Variants in GPRIN2 observed in about 807,000 individuals in gnomAD.
The protein encoded by GPRIN2 is G protein-regulated inducer of neurite outgrowth 2.
GPRIN2 carries 1 observed loss-of-function variant against 0.3 expected under a neutral mutation model. The observed-to-expected ratio is 3.90, with a 90% confidence interval of 1.39 to 18.51. The LOEUF is 18.51. Ranked by LOEUF, GPRIN2 falls within the 30% of genes most tolerant of loss-of-function variation. GPRIN2 has a pLI of 0.11. For synonymous variants in GPRIN2, 361 were observed against 258.6 expected, an observed-to-expected ratio of 1.40 and a Z score of -3.80; for missense variants, 880 against 604.2, an observed-to-expected ratio of 1.46 and a Z score of -4.79.
Position 46,547,885 on chromosome 10 carries a change from G to C in GPRIN2, c.*1475C>G, listed in dbSNP as rs1387359106. Among the ~76,000 whole-genome samples, 1 of 152,306 alleles carries C rather than the reference G, an allele frequency of 6.6e-6. No individual in the cohort carries two copies. The highest frequency in any genetic ancestry group is 2.4e-5 in the African/African-American group (1 of 41,484). ...GGCTTCAGGAGGCATCTGACCTGAC[G>C]CACGCCTTTGTCACTTTGTCCTTGT... On this transcript the variant is annotated 3_prime_UTR_variant, in exon 3 of 3. Transcript: ENST00000374314.
rs1842218919 is a variant in GPRIN2 at position 46,547,009 on chromosome 10, C to T, written c.*2351G>A. Among the ~76,000 whole-genome samples the T allele has an allele frequency of 6.6e-6, 1 of 152,310 alleles. No individual in the cohort carries two copies. The highest frequency in any genetic ancestry group is 1.5e-5 in the Non-Finnish European group (1 of 68,058). ...GCCAGCGTGAATGCATAAGAATCTG[C>T]ACGTGACACAGAAGAAAGTCTCTTC... On this transcript the variant is annotated 3_prime_UTR_variant, in exon 3 of 3. Transcript: ENST00000374314.
chr10:46,542,028 A>G lies in GPRIN2; in HGVS notation c.*7332T>C, dbSNP rs2131622183. On this transcript the variant is annotated 3_prime_UTR_variant, in exon 3 of 3. Coordinates refer to ENST00000374314, the MANE Select transcript of GPRIN2 (RefSeq NM_001385282.1). The stretch of plus-strand genomic sequence containing the variant: ...CCAACTCTGAAGAGAAAAAAAATCA[A>G]ACCAAAGAGTTTTCCTCAAGAGTTG... 2.0e-5 allele frequency among the ~76,000 whole-genome samples: 3 copies of G among 152,430 alleles called. No individual in the cohort carries two copies. The highest frequency in any genetic ancestry group is 7.2e-5 in the African/African-American group (3 of 41,610).
At chr10:46,556,690 G>A (rs980839838), upstream of GPRIN2, among the ~76,000 whole-genome samples, 11 of 152,292 alleles carry the variant, frequency 7.2e-5, no homozygotes, top group Admixed American at 5.2e-4. Flanking sequence ...CTGGCACCGG[G>A]GCGGCGGGAG....
In GPRIN2 at chr10:46,542,379, T is replaced by A. The variant is rs1841828034; in HGVS notation, c.*6981A>T. Among the ~76,000 whole-genome samples, 1 of 152,312 alleles carries A rather than the reference T, an allele frequency of 6.6e-6. No homozygotes were observed. The highest frequency in any genetic ancestry group is 1.5e-5 in the Non-Finnish European group (1 of 68,058). On this transcript the variant is annotated 3_prime_UTR_variant, in exon 3 of 3. Transcript: ENST00000374314. Reference sequence around the variant, plus strand: ...TAATCCCCATGTGACAAGGGAGAGATCAGGTGGAGGTGATGGAATCGTGGG... The same window carrying A: ...TAATCCCCATGTGACAAGGGAGAGAACAGGTGGAGGTGATGGAATCGTGGG...
In GPRIN2 at chr10:46,541,794, A is replaced by G. The variant is rs1293340846; in HGVS notation, c.*7566T>C. On this transcript the variant is annotated 3_prime_UTR_variant, in exon 3 of 3. Coordinates refer to ENST00000374314, the MANE Select transcript of GPRIN2 (RefSeq NM_001385282.1). ...TTTAAAGCAGTGTTTTAAAATAAAA[A>G]CTAATGAAAAAATGATAAAATATCA... is the stretch of plus-strand genomic sequence containing the variant. Among the ~76,000 whole-genome samples the G allele has an allele frequency of 2.6e-5, 4 of 152,308 alleles. No homozygotes were observed. Among genetic ancestry groups the G allele is most frequent in the South Asian group, 2.1e-4 (1 of 4,838 alleles).
In GPRIN2 at chr10:46,545,721, G is replaced by C. The variant is rs3127694; in HGVS notation, c.*3639C>G. Among the ~76,000 whole-genome samples, 2 of 152,268 alleles carry C rather than the reference G, an allele frequency of 1.3e-5. No homozygotes were observed. Among genetic ancestry groups the C allele is most frequent in the Admixed American group, 6.5e-5 (1 of 15,292 alleles). ...GCTGGCAGGGTAAGAGGTGGCCCCT[G>C]AATGTGGCTATGAGAGGGGTGCCCA... is the stretch of plus-strand genomic sequence containing the variant. On this transcript the variant is annotated 3_prime_UTR_variant, in exon 3 of 3. Coordinates refer to ENST00000374314, the MANE Select transcript of GPRIN2 (RefSeq NM_001385282.1).
Position 46,545,750 on chromosome 10 carries a change from C to G in GPRIN2, c.*3610G>C. Among the ~76,000 whole-genome samples the G allele has an allele frequency of 6.6e-6, 1 of 152,304 alleles. No homozygotes were observed. The highest frequency in any genetic ancestry group is 1.5e-5 in the Non-Finnish European group (1 of 68,056). On this transcript the variant is annotated 3_prime_UTR_variant, in exon 3 of 3. Transcript: ENST00000374314. ...GTGGCTATGAGAGGGGTGCCCAACA[C>G]TACCAGCCTGTGTGCTGAGCACTAA...
Position 46,545,578 on chromosome 10 carries a change from C to T in GPRIN2, c.*3782G>A, listed in dbSNP as rs1242858471. On this transcript the variant is annotated 3_prime_UTR_variant, in exon 3 of 3. Transcript: ENST00000374314. Reference sequence around the variant, plus strand: ...ACTCTGGGAACTACATTTTCAGAAGCCCCAGCCAGAGGGCCAAGTCCCAGG... The same window carrying T: ...ACTCTGGGAACTACATTTTCAGAAGTCCCAGCCAGAGGGCCAAGTCCCAGG... Among the ~76,000 whole-genome samples the T allele has an allele frequency of 1.3e-5, 2 of 152,312 alleles. No homozygotes were observed. Among genetic ancestry groups the T allele is most frequent in the Non-Finnish European group, 2.9e-5 (2 of 68,058 alleles).
intron 1 of GPRIN2, among the ~76,000 whole-genome samples, chr10:46,555,982 C>T (rs1843166127): frequency 6.6e-6 from 1 of 152,312 alleles, no homozygotes; most frequent in Admixed American, 6.5e-5. Context: ...CCCCTCCCGC[C>T]CCTCCTGCAC....
chr10:46,547,432 C>A lies in GPRIN2; in HGVS notation c.*1928G>T, dbSNP rs1842266339. Among the ~76,000 whole-genome samples, 2 of 152,308 alleles carry A rather than the reference C, an allele frequency of 1.3e-5. No homozygotes were observed. The highest frequency in any genetic ancestry group is 2.9e-5 in the Non-Finnish European group (2 of 68,056). On this transcript the variant is annotated 3_prime_UTR_variant, in exon 3 of 3. Coordinates refer to ENST00000374314, the MANE Select transcript of GPRIN2 (RefSeq NM_001385282.1). The stretch of plus-strand genomic sequence containing the variant: ...TCTTCACAATGGGGACCCCTGGTCA[C>A]CTCCCAACCCAACAAACGCTCCAAA...
rs1047448629 is a variant in GPRIN2, at chr10:46,545,341, C to T, written c.*4019G>A. ...GAAGTGCCTGGAGGCTACATCTTCA[C>T]CCCTGGGTAGTCCTTACTCTGAGGT... On this transcript the variant is annotated 3_prime_UTR_variant, in exon 3 of 3. Transcript: ENST00000374314. 6.6e-6 allele frequency among the ~76,000 whole-genome samples: 1 copy of T among 152,306 alleles called. No individual in the cohort carries two copies. Among genetic ancestry groups the T allele is most frequent in the Non-Finnish European group, 1.5e-5 (1 of 68,054 alleles).
Position 46,542,846 on chromosome 10 carries a change from C to G in GPRIN2, c.*6514G>C. Among the ~76,000 whole-genome samples the G allele has an allele frequency of 6.6e-6, 1 of 152,308 alleles. No homozygotes were observed. On this transcript the variant is annotated 3_prime_UTR_variant, in exon 3 of 3. Transcript: ENST00000374314. ...CACCCCAACCCAATTACAAGCCATG[C>G]AAGAAGATTCTGAAAACATGGATGA... is the stretch of plus-strand genomic sequence containing the variant.
In GPRIN2 at chr10:46,546,902, G is replaced by A. The variant is rs1253060977; in HGVS notation, c.*2458C>T. On this transcript the variant is annotated 3_prime_UTR_variant, in exon 3 of 3. Transcript: ENST00000374314. The stretch of plus-strand genomic sequence containing the variant: ...ATACTCATCTCAGTGACGATGAGGT[G>A]AGTGGGAGCTTGGCTGAGCCCAGCC... 1.3e-5 allele frequency among the ~76,000 whole-genome samples: 2 copies of A among 152,308 alleles called. No individual in the cohort carries two copies. Among genetic ancestry groups the A allele is most frequent in the African/African-American group, 2.4e-5 (1 of 41,488 alleles).
rs1842454228 is a variant in GPRIN2, at chr10:46,549,646, G to A, written c.1091C>T (p.Pro364Leu). ...CAGGCTGGACCCCAGAGTTACCTCT[G>A]GGAACACATGCAGGGCTGCAGGCGC... is the stretch of plus-strand genomic sequence containing the variant. ...LEAPAALHVF[P>L]EVTLGSSLEE... Residue 364 changes from proline to leucine, a missense_variant, in exon 3 of 3, where the codon CCA (proline) becomes CTA (leucine). Physicochemically the swap from Pro to Leu is moderately conservative, Grantham distance 98. Coordinates refer to ENST00000374314, the MANE Select transcript of GPRIN2 (RefSeq NM_001385282.1). The A allele has an allele frequency of 6.2e-7, 1 of 1,614,240 alleles. No homozygotes were observed.
chr10:46,545,950 T>G lies in GPRIN2; in HGVS notation c.*3410A>C, dbSNP rs1832921938. Among the ~76,000 whole-genome samples, 1 of 152,428 alleles carries G rather than the reference T, an allele frequency of 6.6e-6. No homozygotes were observed. Among genetic ancestry groups the G allele is most frequent in the Non-Finnish European group, 1.5e-5 (1 of 68,048 alleles). On this transcript the variant is annotated 3_prime_UTR_variant, in exon 3 of 3. Transcript: ENST00000374314. Reference sequence around the variant, plus strand: ...ATATATCCAGATTCAAACTCCAGCTTTAGCCCACTAAGCTACGGTGGCCAA... The same window carrying G: ...ATATATCCAGATTCAAACTCCAGCTGTAGCCCACTAAGCTACGGTGGCCAA...
intron 2 of GPRIN2, among the ~76,000 whole-genome samples, chr10:46,553,837 T>C (rs1286487660): frequency 6.6e-6 from 1 of 152,308 alleles, no homozygotes; most frequent in Non-Finnish European, 1.5e-5. Context: ...AACTACAACC[T>C]GGCCTTCCCA....
Position 46,549,974 on chromosome 10 carries a change from T to C in GPRIN2, c.763A>G (p.Ile255Val). ...GCCACTAGTTTGGGAAAGGCCAGGA[T>C]CCCTGTGGCAGGTAGGGCATGGCAG... ...GCCHALPATGILAFPKLVASV... is the reference protein window; with the variant it reads ...GCCHALPATGVLAFPKLVASV... Residue 255 changes from isoleucine to valine, a missense_variant, in exon 3 of 3, where the codon ATC becomes GTC. Physicochemically the swap from Ile to Val is conservative, Grantham distance 29. Transcript: ENST00000374314. The C allele has an allele frequency of 3.1e-6, 5 of 1,614,230 alleles. No homozygotes were observed. Among genetic ancestry groups the C allele is most frequent in the South Asian group, 1.1e-5 (1 of 91,092 alleles).
chr10:46,548,279 C>T lies in GPRIN2; in HGVS notation c.*1081G>A, dbSNP rs925043124. 6.6e-6 allele frequency among the ~76,000 whole-genome samples: 1 copy of T among 152,308 alleles called. No individual in the cohort carries two copies. Among genetic ancestry groups the T allele is most frequent in the Non-Finnish European group, 1.5e-5 (1 of 68,056 alleles). On this transcript the variant is annotated 3_prime_UTR_variant, in exon 3 of 3. Coordinates refer to ENST00000374314, the MANE Select transcript of GPRIN2 (RefSeq NM_001385282.1). ...TTCTGTCTCTCCAAGGCCCCTGGCC[C>T]CCACTGCCTAGCCTAGGTCAGGTCA... is the stretch of plus-strand genomic sequence containing the variant.
chr10:46,554,913 A>G (rs1219455631), intron 1 of GPRIN2, among the ~76,000 whole-genome samples: 1 of 152,308 alleles, frequency 6.6e-6, no homozygotes, highest in East Asian at 1.9e-4. Flanking sequence ...CTCAGACAAC[A>G]CTGTGGCATC....
Sources: gnomAD v4.1 joint callset for allele counts (sites outside exome capture counted in the v4.1 genomes callset) on GRCh38, gnomAD v4.1.1 for gene constraint, MANE v1.5 for transcripts, NCBI Gene and HGNC (gene_info 2026-07-23, HGNC 2026-07-21) for gene names.